SHROOM3: variants seen among roughly 807,000 people sequenced by gnomAD.
SHROOM3 encodes the protein protein Shroom3.
In SHROOM3, 47 loss-of-function variants were observed where a neutral mutation model predicts 138.6. The observed-to-expected ratio is 0.34, with a 90% CI of 0.27 to 0.43. The LOEUF (loss-of-function observed/expected upper bound fraction) is 0.43, where lower values mean the gene tolerates loss of function less well. Ranked by LOEUF, SHROOM3 falls within the 20% of genes least tolerant of loss-of-function variation. The pLI, the probability that SHROOM3 is intolerant of heterozygous loss-of-function variation, is 1.00. For missense variants in SHROOM3, 2,491 were observed against 2,596.5 expected, an observed-to-expected ratio of 0.96 and a Z score of 0.88; for synonymous variants, 1,062 against 1,063.3, an observed-to-expected ratio of 1.00 and a Z score of 0.02.
chr4:76,608,614 GGACAGAGATGGTA>G (rs1734682045), intron 2 of SHROOM3, among the ~76,000 whole-genome samples: 1 of 99,890 alleles, frequency 1.0e-5, no homozygotes, highest in East Asian at 3.5e-4. Flanking sequence ...GCATAGCATT[GGACAGAGATGGTA>G]TAGCATAGCA....
chr4:76,440,678 C>T (rs1730650952), intron 1 of SHROOM3, among the ~76,000 whole-genome samples: 1 of 152,162 alleles, frequency 6.6e-6, no homozygotes, highest in Admixed American at 6.6e-5. Context: ...CAAACATGGA[C>T]TTCAGAATTT....
At chr4:76,681,629 G>GTGTGTGTA (rs1553936181) in intron 2 of SHROOM3, among the ~76,000 whole-genome samples, 1 of 150,934 alleles carries the variant, frequency 6.6e-6, no homozygotes, top group Non-Finnish European at 1.5e-5. Context: ...GTGTGTGTGT[G>GTGTGTGTA]TGTGTATGTG....
At chr4:76,641,566 G>T (rs544756915) in intron 2 of SHROOM3, among the ~76,000 whole-genome samples, 76 of 152,310 alleles carry the variant, frequency 5.0e-4, no homozygotes, top group Middle Eastern at 3.4e-3. Flanking sequence ...CATGTCACAG[G>T]CTTCAACCCA....
chr4:76,735,868 A>AAAAAATATATATAT (rs1553944040), intron 4 of SHROOM3, among the ~76,000 whole-genome samples: 2 of 18,802 alleles, frequency 1.1e-4, no homozygotes, highest in African/African-American at 2.1e-4. Context: ...AAAAAAAAAA[A>AAAAAATATATATAT]ATATATATAT....
chr4:76,515,903 A>G lies in SHROOM3; in HGVS notation c.169-39706A>G, dbSNP rs180863700. On this transcript the variant is annotated intron_variant, in intron 1 of 10. Coordinates refer to ENST00000296043, the MANE Select transcript of SHROOM3 (RefSeq NM_020859.4). ...AAATAATTAATTTGAGATATTAGGCATAAGCTGGTCTTGATCTGTTCTCAA... is the reference window on the plus strand; with the variant it reads ...AAATAATTAATTTGAGATATTAGGCGTAAGCTGGTCTTGATCTGTTCTCAA... Among the ~76,000 whole-genome samples the G allele has an allele frequency of 2.6e-5, 4 of 152,362 alleles. No homozygotes were observed. The East Asian group carries it at 5.8e-4, about 22-fold the overall frequency.
chr4:76,543,367 G>A (rs1290614729), intron 1 of SHROOM3, among the ~76,000 whole-genome samples: 1 of 152,046 alleles, frequency 6.6e-6, no homozygotes, highest in Admixed American at 6.5e-5. Context: ...ATATGAGAGT[G>A]TGGAAAGTCC....
At chr4:76,595,138 T>C (rs1341717784) in intron 2 of SHROOM3, among the ~76,000 whole-genome samples, 2 of 152,206 alleles carry the variant, frequency 1.3e-5, no homozygotes, top group African/African-American at 2.4e-5. Context: ...CCTTGTTGTG[T>C]TGTTGTGTAG....
intron 1 of SHROOM3, among the ~76,000 whole-genome samples, chr4:76,536,702 A>G (rs1229373762): frequency 2.6e-5 from 4 of 152,214 alleles, no homozygotes; most frequent in African/African-American, 9.6e-5. Context: ...CTCAAAGTTT[A>G]AATGTCCTTT....
At chr4:76,575,008 A>T (rs1560551013) in intron 2 of SHROOM3, among the ~76,000 whole-genome samples, 1 of 152,230 alleles carries the variant, frequency 6.6e-6, no homozygotes, top group African/African-American at 2.4e-5. Flanking sequence ...ATCACAACCA[A>T]GCGGGATTTA....
rs565317533 is a variant in SHROOM3, at chr4:76,456,399, A to G, written c.168+20179A>G. On this transcript the variant is annotated intron_variant, in intron 1 of 10. Transcript: ENST00000296043. ...TGCATGGATTCAACATAGTACTTGT[A>G]CACATAGTACACACAGCAAATTCAA... 6.6e-5 allele frequency among the ~76,000 whole-genome samples: 10 copies of G among 152,364 alleles called. No homozygotes were observed. In the South Asian group the frequency reaches 1.7e-3, roughly 25 times the overall value.
At chr4:76,529,961 C>A (rs1397715964) in intron 1 of SHROOM3, among the ~76,000 whole-genome samples, 1 of 152,208 alleles carries the variant, frequency 6.6e-6, no homozygotes, top group Non-Finnish European at 1.5e-5. Context: ...TTTAGCAATA[C>A]AGAAATTGAA....
intron 1 of SHROOM3, among the ~76,000 whole-genome samples, chr4:76,444,066 G>A (rs1342952576): frequency 6.6e-6 from 1 of 151,954 alleles, no homozygotes; most frequent in African/African-American, 2.4e-5. Context: ...TGGGATTAAA[G>A]GTGGACACCA....
intron 1 of SHROOM3, among the ~76,000 whole-genome samples, chr4:76,487,467 G>T (rs1258759277): frequency 6.6e-6 from 1 of 152,152 alleles, no homozygotes; most frequent in African/African-American, 2.4e-5. Flanking sequence ...ATATCTAGGA[G>T]TGAAATTGCT....
At chr4:76,489,422 G>T (rs1020990011) in intron 1 of SHROOM3, among the ~76,000 whole-genome samples, 44 of 152,186 alleles carry the variant, frequency 2.9e-4, no homozygotes, top group African/African-American at 1.0e-3. Flanking sequence ...TCCCTGGCAT[G>T]ACCTTTAATC....
intron 3 of SHROOM3, among the ~76,000 whole-genome samples, chr4:76,725,640 C>T (rs1720682857): frequency 1.3e-5 from 2 of 152,328 alleles, no homozygotes; most frequent in African/African-American, 4.8e-5. Flanking sequence ...TCACTTCTCC[C>T]TCTTCCAGGT....
chr4:76,750,186 G>A (rs1228688112), intron 6 of SHROOM3, among the ~76,000 whole-genome samples: 1 of 152,164 alleles, frequency 6.6e-6, no homozygotes, highest in African/African-American at 2.4e-5. Context: ...TGAGGACTTT[G>A]GTGAGTTTGG....
intron 2 of SHROOM3, among the ~76,000 whole-genome samples, chr4:76,620,096 A>G: frequency 6.7e-6 from 1 of 149,940 alleles, no homozygotes; most frequent in South Asian, 2.1e-4. Flanking sequence ...AAAAAAAAGA[A>G]GAAAAGAAAA....
rs1049856581 is a variant in SHROOM3 at position 76,435,382 on chromosome 4, CAA to C, written c.-668_-667del. ...GCTTTTTCATTTTCTCTACATCCTGCAAAAGTTTTTTTCTCTCCTAAGAAACA... is the reference window on the plus strand; with the variant it reads ...GCTTTTTCATTTTCTCTACATCCTGCAAGTTTTTTTCTCTCCTAAGAAACA... On this transcript the variant is annotated 5_prime_UTR_variant, in exon 1 of 11. Transcript: ENST00000296043. 17 of 148,416 alleles carry C rather than the reference CAA, an allele frequency of 1.1e-4. 1 individual carries two copies. Among genetic ancestry groups the C allele is most frequent in the Admixed American group, 1.1e-3 (16 of 15,124 alleles). The allele number at this position is 148,416 out of a possible 1,614,324, so 9.2% of individuals were successfully genotyped here.
chr4:76,457,682 G>A (rs1731056648), intron 1 of SHROOM3, among the ~76,000 whole-genome samples: 1 of 151,874 alleles, frequency 6.6e-6, no homozygotes, highest in Non-Finnish European at 1.5e-5. Flanking sequence ...AGTAGAGACG[G>A]GGTTTCACCA....
Sources: gnomAD v4.1 joint callset for allele counts (sites outside exome capture counted in the v4.1 genomes callset) on GRCh38, gnomAD v4.1.1 for gene constraint, MANE v1.5 for transcripts, NCBI Gene and HGNC (gene_info 2026-07-23, HGNC 2026-07-21) for gene names.